Variants in ABCB11 observed in about 807,000 individuals in gnomAD.
The protein encoded by ABCB11 is bile salt export pump.
A neutral mutation model predicts 148.0 loss-of-function variants in ABCB11; 95 were observed. The observed-to-expected ratio is 0.64, with a 90% CI of 0.54 to 0.76. The LOEUF (loss-of-function observed/expected upper bound fraction) is 0.76, where lower values mean the gene tolerates loss of function less well. Ranked by LOEUF, ABCB11 falls within the 30% of genes least tolerant of loss-of-function variation. The pLI is 0.00. For missense variants in ABCB11, 1,523 were observed against 1,617.8 expected (o/e 0.94, Z 1.01); for synonymous variants, 591 against 555.4 (o/e 1.06, Z -0.90).
chr2:168,937,247 T>C (rs769551371), intron 21 of ABCB11, among the ~76,000 whole-genome samples: 5 of 152,224 alleles, frequency 3.3e-5, no homozygotes, highest in African/African-American at 7.2e-5. Flanking sequence ...GTATATCCAT[T>C]CATCCATTGA....
chr2:168,994,645 G>A (rs1241832682), intron 7 of ABCB11, among the ~76,000 whole-genome samples: 2 of 151,948 alleles, frequency 1.3e-5, no homozygotes, highest in Admixed American at 6.6e-5. Context: ...TTTCCCCTAC[G>A]AGGCTGTAAG....
chr2:169,013,653 C>G, intron 4 of ABCB11, 143 bp from the exon 5 acceptor site: 1 of 612,436 alleles, frequency 1.6e-6, no homozygotes, highest in East Asian at 2.8e-5. Flanking sequence ...TGGCAGAGTT[C>G]GTATACTAAT....
At chr2:169,030,598 A>G (rs1573999355) in intron 1 of ABCB11, among the ~76,000 whole-genome samples, 1 of 152,146 alleles carries the variant, frequency 6.6e-6, no homozygotes, top group East Asian at 1.9e-4. Flanking sequence ...ATAATATTTG[A>G]TCTCTGTGCT....
At chr2:169,025,099 AT>A (rs1695657005) in intron 1 of ABCB11, among the ~76,000 whole-genome samples, 1 of 152,132 alleles carries the variant, frequency 6.6e-6, no homozygotes, top group South Asian at 2.1e-4. Context: ...GTGTTATTGC[AT>A]TTCCTAATTT....
In ABCB11 at chr2:168,921,905, G is replaced by C. The variant is rs1290890236; in HGVS notation, c.*1717C>G. ...GCTCTGTCGCCCAGGCTGGAGTGCA[G>C]TGGCGCGATCTCGGCTCACTGCAAG... On this transcript the variant is annotated 3_prime_UTR_variant, in exon 28 of 28. Transcript: ENST00000650372. 4.1e-5 allele frequency among the ~76,000 whole-genome samples: 6 copies of C among 147,630 alleles called. No homozygotes were observed. Among genetic ancestry groups the C allele is most frequent in the Non-Finnish European group, 8.9e-5 (6 of 67,518 alleles).
chr2:169,025,606 G>A (rs1333118079), intron 1 of ABCB11, among the ~76,000 whole-genome samples: 2 of 152,086 alleles, frequency 1.3e-5, no homozygotes, highest in Non-Finnish European at 2.9e-5. Context: ...CTTTCCTTCT[G>A]TGTCCCCTTG....
intron 21 of ABCB11, among the ~76,000 whole-genome samples, chr2:168,939,513 T>C (rs1691972598): frequency 6.6e-6 from 1 of 152,128 alleles, no homozygotes; most frequent in African/African-American, 2.4e-5. Flanking sequence ...TAAATGCTTT[T>C]CTAGTTTATC....
At chr2:169,006,556 G>GATAAAATAAA (rs140687117) in intron 5 of ABCB11, among the ~76,000 whole-genome samples, 16 of 151,000 alleles carry the variant, frequency 1.1e-4, no homozygotes, top group African/African-American at 1.5e-4. Flanking sequence ...TAGGCAATAA[G>GATAAAATAAA]ATAAAATAAA....
chr2:168,986,222 A>G lies in ABCB11; in HGVS notation c.971T>C (p.Phe324Ser). 6.2e-7 allele frequency: 1 copy of G among 1,613,458 alleles called. No individual in the cohort carries two copies. The highest frequency in any genetic ancestry group is 1.1e-5 in the South Asian group (1 of 91,070). ...WGIRKGIVMGFFTGFVWCLIF... is the reference protein window; with the variant it reads ...WGIRKGIVMGSFTGFVWCLIF... ...GAGACACCACACGAATCCAGTAAAG[A>G]ATCCCATCACTATTCCTTTTCTAAT... Residue 324 changes from phenylalanine to serine, a missense_variant, in exon 10 of 28, where the codon TTC (phenylalanine) becomes TCC (serine). By Grantham distance (155) the Phe-to-Ser change is radical. Transcript: ENST00000650372.
chr2:168,985,360 T>C (rs903004502), intron 10 of ABCB11, among the ~76,000 whole-genome samples: 2 of 152,032 alleles, frequency 1.3e-5, no homozygotes, highest in Admixed American at 1.3e-4. Flanking sequence ...GAACTGAACA[T>C]AGAACTACCA....
At chr2:169,020,984 A>G (rs1695520232) in intron 1 of ABCB11, among the ~76,000 whole-genome samples, 1 of 150,700 alleles carries the variant, frequency 6.6e-6, no homozygotes, top group African/African-American at 2.4e-5. Flanking sequence ...TTTTTCTGAG[A>G]CCAAGTCTTG....
intron 21 of ABCB11, among the ~76,000 whole-genome samples, chr2:168,941,661 A>G (rs2685812): frequency 0.49 from 74,573 of 151,810 alleles, 19,361 homozygotes; most frequent in South Asian, 0.66. Context: ...CCAATTTTGA[A>G]AGACATTCTA....
At chr2:168,984,101 A>C (rs1024171437) in intron 10 of ABCB11, among the ~76,000 whole-genome samples, 1 of 152,150 alleles carries the variant, frequency 6.6e-6, no homozygotes, top group Non-Finnish European at 1.5e-5. Flanking sequence ...AATTCAAACA[A>C]TGATCAGAGT....
At chr2:168,977,176 A>G (rs1269561758) in intron 11 of ABCB11, among the ~76,000 whole-genome samples, 4 of 149,592 alleles carry the variant, frequency 2.7e-5, no homozygotes, top group Admixed American at 2.0e-4. Context: ...TATATATTAT[A>G]TATTACTAAG....
chr2:168,980,811 T>C (rs1044462294), intron 10 of ABCB11, among the ~76,000 whole-genome samples: 9 of 152,146 alleles, frequency 5.9e-5, no homozygotes, highest in Non-Finnish European at 8.8e-5. Context: ...GGCTACCTGA[T>C]CATGCCCAGA....
intron 1 of ABCB11, among the ~76,000 whole-genome samples, chr2:169,030,603 T>C (rs908070192): frequency 5.9e-5 from 9 of 152,238 alleles, no homozygotes; most frequent in Admixed American, 3.3e-4. Flanking sequence ...ATTTGATCTC[T>C]GTGCTCAAGC....
chr2:168,916,345 T>G (rs1302424442), downstream of ABCB11, among the ~76,000 whole-genome samples: 1 of 152,222 alleles, frequency 6.6e-6, no homozygotes, highest in Non-Finnish European at 1.5e-5. Context: ...AGGAGGAAAT[T>G]GCCAATTCAC....
chr2:169,008,766 T>A (rs1458820805), intron 5 of ABCB11, among the ~76,000 whole-genome samples: 8 of 152,186 alleles, frequency 5.3e-5, no homozygotes. Context: ...AGAGTTACCA[T>A]GTGATACAGC....
chr2:168,971,920 T>C lies in ABCB11; in HGVS notation c.1565A>G (p.Asp522Gly). The change falls in exon 14 of 28, where the codon GAT (aspartate) becomes GGT (glycine). Residue 522 changes from aspartate to glycine, a missense_variant. Transcript: ENST00000650372. ...IAENIRYGRE[D>G]ATMEDIVQAA... ...TTGGACTATGTCTTCCATTGTTGCA[T>C]CTTCTCTGCCATAGCGAATATTTTC... The C allele has an allele frequency of 6.2e-7, 1 of 1,613,166 alleles. No individual in the cohort carries two copies. The highest frequency in any genetic ancestry group is 1.3e-5 in the African/African-American group (1 of 74,970).
Sources: gnomAD v4.1 joint callset for allele counts (sites outside exome capture counted in the v4.1 genomes callset) on GRCh38, gnomAD v4.1.1 for gene constraint, MANE v1.5 for transcripts, NCBI Gene and HGNC (gene_info 2026-07-23, HGNC 2026-07-21) for gene names.